The following CSPP1 variants were observed in gnomAD, a reference collection of about 807,000 sequenced individuals.
CSPP1 encodes centrosome and spindle pole associated protein 1.
Under a neutral mutation model 164.4 loss-of-function variants are expected in CSPP1, and 126 were observed. The observed-to-expected ratio is 0.77, with a 90% CI of 0.66 to 0.89. The LOEUF (loss-of-function observed/expected upper bound fraction) is 0.89. Among genes scored for constraint, CSPP1 ranks in the 40% least tolerant of loss-of-function variants. The pLI is 0.00. For synonymous variants in CSPP1, 472 were observed against 476.7 expected, an observed-to-expected ratio of 0.99 and a Z score of 0.13; for missense variants, 1,395 against 1,449.8, an observed-to-expected ratio of 0.96 and a Z score of 0.61.
intron 30 of CSPP1, 152 bp from the exon 31 acceptor site, chr8:67,195,230 G>A (rs969349227): frequency 1.6e-4 from 108 of 687,930 alleles, no homozygotes; most frequent in Middle Eastern, 4.2e-4. Context: ...GGGGTGGGGT[G>A]AGTCTAACCA....
At chr8:67,095,047 A>T (rs1444609118) in intron 6 of CSPP1, among the ~76,000 whole-genome samples, 1 of 152,184 alleles carries the variant, frequency 6.6e-6, no homozygotes, top group Non-Finnish European at 1.5e-5. Flanking sequence ...GTTCCATTGC[A>T]TGGCTGTATC....
At chr8:67,146,114 A>G (rs956416996) in intron 17 of CSPP1, among the ~76,000 whole-genome samples, 7 of 148,062 alleles carry the variant, frequency 4.7e-5, no homozygotes, top group Non-Finnish European at 8.9e-5. Context: ...GTAAGAGAAT[A>G]TACTTTTCTT....
chr8:67,164,452 G>C lies in CSPP1; in HGVS notation c.2772G>C (p.Glu924Asp). 1 of 1,609,216 alleles carries C rather than the reference G, an allele frequency of 6.2e-7. No individual in the cohort carries two copies. Among genetic ancestry groups the C allele is most frequent in the Non-Finnish European group, 8.5e-7 (1 of 1,175,686 alleles). ...SEMRKQLRSE[E>D]RRLQERLLHM... is the part of the protein sequence containing the mutation. Reference sequence around the variant, plus strand: ...TGAGAAAACAGCTTCGTAGTGAAGAGAGGCGTCTACAAGAGCGATTGCTAC... The same window carrying C: ...TGAGAAAACAGCTTCGTAGTGAAGACAGGCGTCTACAAGAGCGATTGCTAC... The change falls in exon 24 of 31, where the codon GAG becomes GAC. Residue 924 changes from glutamate (E) to aspartate (D), a missense_variant. Glu to Asp is a conservative substitution (Grantham distance 45). Coordinates refer to ENST00000678616, the MANE Select transcript of CSPP1 (RefSeq NM_001382391.1).
At chr8:67,070,051 A>C (rs897037330) in intron 1 of CSPP1, among the ~76,000 whole-genome samples, 3 of 98 alleles carry the variant, frequency 0.031, no homozygotes, top group African/African-American at 0.17. Flanking sequence ...CAGACATAGA[A>C]TATTTAGGGA....
chr8:67,133,763 G>C (rs1586390055), intron 16 of CSPP1: 1 of 152,200 alleles, frequency 6.6e-6, no homozygotes. Context: ...TTCTTTCAAA[G>C]TTTGGAGTCC....
At chr8:67,079,061 TG>T (rs1808582241) in intron 3 of CSPP1, among the ~76,000 whole-genome samples, 1 of 152,208 alleles carries the variant, frequency 6.6e-6, no homozygotes, top group African/African-American at 2.4e-5. Flanking sequence ...ACAGTATAAC[TG>T]AAAGATGGTG....
At position 67,196,567 on chromosome 8, in the gene CSPP1, T is replaced by C. The variant is rs529679245; in HGVS notation, c.*974T>C. The stretch of plus-strand genomic sequence containing the variant: ...TTCCTCTGATGTAATTAACGGTTGG[T>C]AGACAATATCAGACAAATTTGCCAC... On this transcript the variant is annotated 3_prime_UTR_variant, in exon 31 of 31. Coordinates refer to ENST00000678616, the MANE Select transcript of CSPP1 (RefSeq NM_001382391.1). Among the ~76,000 whole-genome samples the C allele has an allele frequency of 3.3e-5, 5 of 152,342 alleles. No homozygotes were observed. The highest frequency in any genetic ancestry group is 7.3e-5 in the Non-Finnish European group (5 of 68,030).
intron 8 of CSPP1, among the ~76,000 whole-genome samples, chr8:67,103,395 G>A (rs569373212): frequency 6.6e-6 from 1 of 152,112 alleles, no homozygotes; most frequent in South Asian, 2.1e-4. Flanking sequence ...TCATTACAAA[G>A]TATGTAAATT....
chr8:67,083,548 A>AAAAAAAAAAAATATATATATATAT (rs1332248754), intron 3 of CSPP1: 1 of 91,500 alleles, frequency 1.1e-5, no homozygotes, highest in African/African-American at 4.5e-5. Flanking sequence ...AAAAAAAAAA[A>AAAAAAAAAAAATATATATATATAT]ATATATATAT....
At chr8:67,187,507 C>G (rs1005053816) in intron 28 of CSPP1, among the ~76,000 whole-genome samples, 1 of 152,026 alleles carries the variant, frequency 6.6e-6, no homozygotes, top group African/African-American at 2.4e-5. Context: ...CAAAACAACA[C>G]CTTGTCTCTA....
intron 4 of CSPP1, chr8:67,086,816 A>C (rs1305601429): frequency 7.4e-7 from 1 of 1,355,998 alleles, no homozygotes. Flanking sequence ...GTTTCCCTTG[A>C]CTTTAGGGCA....
rs370967972 is a variant in CSPP1 at position 67,086,035 on chromosome 8, T to C, written c.228T>C (p.Leu76=). 6.7e-6 allele frequency: 10 copies of C among 1,491,054 alleles called. No homozygotes were observed. In the African/African-American group the frequency reaches 8.3e-5, roughly 12 times the overall value. The allele number at this position is 1,491,054 out of a possible 1,614,324, so 92.4% of individuals were successfully genotyped here. Residue 76 remains leucine, a synonymous_variant, in exon 4 of 31, where the codon CTT becomes CTC. Coordinates refer to ENST00000678616, the MANE Select transcript of CSPP1 (RefSeq NM_001382391.1). The stretch of plus-strand genomic sequence containing the variant: ...TTGATTATGGATTAAGTTTACCACT[T>C]GGAGAAGACTATGAACGGAAGAAAC... ...LGIDYGLSLP[L]GEDYERKKHK... is the part of the protein sequence containing the mutation.
At chr8:67,066,391 T>C (rs2129539038) in intron 1 of CSPP1, among the ~76,000 whole-genome samples, 1 of 152,176 alleles carries the variant, frequency 6.6e-6, no homozygotes, top group South Asian at 2.1e-4. Flanking sequence ...CCTGGTCACT[T>C]TGTCCCTCCC....
At chr8:67,080,338 A>G (rs542188486) in intron 3 of CSPP1, among the ~76,000 whole-genome samples, 4 of 152,370 alleles carry the variant, frequency 2.6e-5, no homozygotes, top group Non-Finnish European at 1.5e-5. Flanking sequence ...AAAACAATCT[A>G]TTGATAGCTC....
intron 24 of CSPP1, among the ~76,000 whole-genome samples, chr8:67,164,796 C>CA (rs1396319069): frequency 1.3e-5 from 2 of 152,018 alleles, no homozygotes; most frequent in Non-Finnish European, 2.9e-5. Flanking sequence ...TTTTTTTCAA[C>CA]AAAATCACGT....
At chr8:67,074,148 G>C (rs1807405203) in intron 1 of CSPP1, 95 bp from the exon 2 acceptor site, 5 of 642,138 alleles carry the variant, frequency 7.8e-6, no homozygotes, top group Non-Finnish European at 1.3e-5. Context: ...TTTGATAAGT[G>C]AGATTGAAAA....
chr8:67,190,127 T>C (rs1835805864), intron 28 of CSPP1, among the ~76,000 whole-genome samples: 1 of 152,222 alleles, frequency 6.6e-6, no homozygotes, highest in African/African-American at 2.4e-5. Flanking sequence ...AAAACTTGAA[T>C]GTGAATGTTC....
chr8:67,158,293 T>C (rs1318284495), intron 19 of CSPP1, among the ~76,000 whole-genome samples, 154 bp from the exon 20 acceptor site: 1 of 152,190 alleles, frequency 6.6e-6, no homozygotes, highest in African/African-American at 2.4e-5. Context: ...CAGTAAATCA[T>C]GTAGCCTCCC....
intron 1 of CSPP1, 131 bp from the exon 2 acceptor site, chr8:67,074,112 A>G: frequency 1.8e-6 from 1 of 550,672 alleles, no homozygotes; most frequent in Non-Finnish European, 3.3e-6. Context: ...CATATTTATG[A>G]TCAATCTTAA....
Sources: allele counts gnomAD v4.1 joint callset (sites outside exome capture counted in the v4.1 genomes callset), GRCh38; gene constraint gnomAD v4.1.1; transcripts MANE v1.5; gene names NCBI Gene and HGNC (gene_info 2026-07-23, HGNC 2026-07-21).